ITPR1: variants seen among roughly 807,000 people sequenced by gnomAD.
ITPR1 encodes the protein inositol 1,4,5-trisphosphate receptor type 1, also known as inositol 1,4,5-trisphosphate-gated calcium channel ITPR1.
In ITPR1, 96 loss-of-function variants were observed where a neutral mutation model predicts 318.4. The observed-to-expected ratio is 0.30, with a 90% CI of 0.26 to 0.36. The LOEUF is 0.36. Ranked by LOEUF, ITPR1 falls within the 10% of genes least tolerant of loss-of-function variation. The pLI is 1.00. For missense variants in ITPR1, 2,440 were observed against 3,460.2 expected, an observed-to-expected ratio of 0.71 and a Z score of 7.40; for synonymous variants, 1,312 against 1,289.9, an observed-to-expected ratio of 1.02 and a Z score of -0.37.
intron 46 of ITPR1, among the ~76,000 whole-genome samples, chr3:4,773,433 T>C (rs1233999406): frequency 6.6e-6 from 1 of 152,252 alleles, no homozygotes; most frequent in Non-Finnish European, 1.5e-5. Flanking sequence ...TCAGATGTTA[T>C]AAGAGTTGCC....
At chr3:4,568,223 T>C (rs2087583149) in intron 4 of ITPR1, among the ~76,000 whole-genome samples, 1 of 152,164 alleles carries the variant, frequency 6.6e-6, no homozygotes, top group Non-Finnish European at 1.5e-5. Flanking sequence ...GAAGACAAAA[T>C]TAAAAACTTT....
chr3:4,798,690 C>T (rs191768623), intron 53 of ITPR1, among the ~76,000 whole-genome samples: 47 of 152,304 alleles, frequency 3.1e-4, no homozygotes, highest in African/African-American at 1.1e-3. Flanking sequence ...ACTGGAAACT[C>T]ATTGATTGTT....
intron 52 of ITPR1, among the ~76,000 whole-genome samples, chr3:4,792,743 T>C (rs1012704496): frequency 6.6e-6 from 1 of 152,184 alleles, no homozygotes; most frequent in Non-Finnish European, 1.5e-5. Flanking sequence ...ACAGTGTTTT[T>C]ATTAATATCA....
chr3:4,763,022 TA>T (rs1170826268), intron 44 of ITPR1, among the ~76,000 whole-genome samples: 2 of 152,110 alleles, frequency 1.3e-5, no homozygotes, highest in African/African-American at 4.8e-5. Context: ...TATGCAGCCA[TA>T]AAAAGGAATG....
At position 4,697,255 on chromosome 3, in the gene ITPR1, C is replaced by G. The variant is rs1156659193; in HGVS notation, c.4390C>G (p.Leu1464Val). 4 of 1,559,000 alleles carry G rather than the reference C, an allele frequency of 2.6e-6. No homozygotes were observed. The East Asian group carries it at 7.1e-5, about 28-fold the overall frequency. The change falls in exon 34 of 62, where the codon CTT (leucine) becomes GTT (valine). Residue 1464 changes from leucine (L) to valine (V), a missense_variant. By Grantham distance (32) the Leu-to-Val change is conservative. Around this residue, in one of 23 missense-constraint regions of ITPR1, gnomAD observed 73 missense variants for 59.5 expected, o/e 1.23. Coordinates refer to ENST00000649015, the MANE Select transcript of ITPR1 (RefSeq NM_001378452.1). ...NHMWKLFENF[L>V]VDICRACNNT... is the part of the protein sequence containing the mutation. ...CATGTGGAAATTGTTTGAGAATTTC[C>G]TTGTAGACATCTGCAGGGTAAGGCT... is the stretch of plus-strand genomic sequence containing the variant.
At chr3:4,614,605 A>C (rs1405034623) in intron 4 of ITPR1, among the ~76,000 whole-genome samples, 16 of 152,354 alleles carry the variant, frequency 1.1e-4, no homozygotes, top group Non-Finnish European at 1.5e-5. Context: ...GTTTCAACCC[A>C]GTCCGTCAGG....
chr3:4,694,028 G>T (rs1574893527), intron 33 of ITPR1, among the ~76,000 whole-genome samples: 1 of 152,166 alleles, frequency 6.6e-6, no homozygotes, highest in East Asian at 1.9e-4. Flanking sequence ...AAGGGGATAT[G>T]ACCTGAATGA....
At chr3:4,494,710 A>T (rs777144342) in intron 2 of ITPR1, among the ~76,000 whole-genome samples, 5 of 152,208 alleles carry the variant, frequency 3.3e-5, no homozygotes, top group Non-Finnish European at 5.9e-5. Flanking sequence ...GAAGTAGCTG[A>T]GAATTGAAGG....
intron 4 of ITPR1, among the ~76,000 whole-genome samples, chr3:4,559,123 G>C (rs1362847263): frequency 6.6e-6 from 1 of 151,522 alleles, no homozygotes; most frequent in Non-Finnish European, 1.5e-5. Context: ...CTCCTGAGTA[G>C]TTAACTACAG....
chr3:4,777,336 T>G lies in ITPR1; in HGVS notation c.6253T>G (p.Leu2085Val). The change falls in exon 48 of 62, where the codon TTG becomes GTG. Residue 2085 changes from leucine to valine, a missense_variant. Around this residue, in one of 23 missense-constraint regions of ITPR1, gnomAD observed 76 missense variants for 162.1 expected, o/e 0.47. Coordinates refer to ENST00000649015, the MANE Select transcript of ITPR1 (RefSeq NM_001378452.1). Reference sequence around the variant, plus strand: ...CCTGATCCTCAATGATATCAATCCTTTGGGAAAGAAGAGGATGGACCTTGT... The same window carrying G: ...CCTGATCCTCAATGATATCAATCCTGTGGGAAAGAAGAGGATGGACCTTGT... The part of the protein sequence containing the change: ...TALILNDINP[L>V]GKKRMDLVLE... 1 of 1,606,018 alleles carries G rather than the reference T, an allele frequency of 6.2e-7. No individual in the cohort carries two copies. The highest frequency in any genetic ancestry group is 8.5e-7 in the Non-Finnish European group (1 of 1,175,888).
intron 24 of ITPR1, among the ~76,000 whole-genome samples, chr3:4,678,467 G>A (rs1471128721): frequency 1.3e-5 from 2 of 152,154 alleles, no homozygotes; most frequent in African/African-American, 4.8e-5. Context: ...AGGATTGGTC[G>A]ATTGAGTCAT....
At chr3:4,722,049 C>G (rs1188659902) in intron 40 of ITPR1, among the ~76,000 whole-genome samples, 2 of 152,220 alleles carry the variant, frequency 1.3e-5, no homozygotes, top group Non-Finnish European at 2.9e-5. Flanking sequence ...TATTCAGTTA[C>G]TACCCAAGGT....
At chr3:4,495,839 G>T (rs558133776) in intron 2 of ITPR1, among the ~76,000 whole-genome samples, 5 of 152,296 alleles carry the variant, frequency 3.3e-5, no homozygotes, top group Non-Finnish European at 7.4e-5. Flanking sequence ...CAGTTGATTT[G>T]GGGATGCTGG....
chr3:4,600,494 G>A (rs2091189860), intron 4 of ITPR1, among the ~76,000 whole-genome samples: 1 of 151,802 alleles, frequency 6.6e-6, no homozygotes, highest in African/African-American at 2.4e-5. Context: ...TTGTGTGTGT[G>A]TGTGTGCGTG....
rs184680939 is a variant in ITPR1, at chr3:4,780,910, T to A, written c.6387+1265T>A. Reference sequence around the variant, plus strand: ...GGGAAAATGTCAACACCCAGTGAGGTGGCTGGCACCGGCTCTTGGGCAGCC... The same window carrying A: ...GGGAAAATGTCAACACCCAGTGAGGAGGCTGGCACCGGCTCTTGGGCAGCC... On this transcript the variant is annotated intron_variant, in intron 49 of 61. Coordinates refer to ENST00000649015, the MANE Select transcript of ITPR1 (RefSeq NM_001378452.1). 2.6e-4 allele frequency among the ~76,000 whole-genome samples: 39 copies of A among 152,276 alleles called. No individual in the cohort carries two copies. The East Asian group carries it at 6.4e-3, about 25-fold the overall frequency.
chr3:4,665,727 G>GTCATATC, intron 17 of ITPR1, among the ~76,000 whole-genome samples: 1 of 151,958 alleles, frequency 6.6e-6, no homozygotes, highest in East Asian at 1.9e-4. Context: ...CTAAGTCATT[G>GTCATATC]TCTATAGAGA....
At chr3:4,743,929 G>A (rs2043889045) in intron 44 of ITPR1, among the ~76,000 whole-genome samples, 1 of 152,188 alleles carries the variant, frequency 6.6e-6, no homozygotes, top group East Asian at 1.9e-4. Flanking sequence ...CCGCCTCATG[G>A]GTTCAAGCAA....
intron 60 of ITPR1, among the ~76,000 whole-genome samples, chr3:4,834,244 T>C (rs1342659090): frequency 6.6e-6 from 1 of 152,206 alleles, no homozygotes; most frequent in Admixed American, 6.5e-5. Flanking sequence ...TTGTAAGCAC[T>C]TTGATGGCAG....
intron 37 of ITPR1, among the ~76,000 whole-genome samples, chr3:4,707,153 G>A (rs2094775471): frequency 6.6e-6 from 1 of 152,188 alleles, no homozygotes. Context: ...TACCTCGTGG[G>A]GTTGATGTGA....
Sources: gnomAD v4.1 joint callset for allele counts (sites outside exome capture counted in the v4.1 genomes callset) on GRCh38, gnomAD v4.1.1 for gene constraint, gnomAD v4.1.1 regional missense constraint, MANE v1.5 for transcripts, NCBI Gene and HGNC (gene_info 2026-07-23, HGNC 2026-07-21) for gene names.